Variants in MACF1 observed in about 807,000 individuals in gnomAD.
The protein encoded by MACF1 is microtubule actin crosslinking factor 1.
MACF1 carries 193 observed loss-of-function variants against 854.8 expected under a neutral mutation model. The observed-to-expected ratio is 0.23, with a 90% CI of 0.20 to 0.25. MACF1 has a LOEUF of 0.25. Ranked by LOEUF, MACF1 falls within the 10% of genes least tolerant of loss-of-function variation. The pLI is 1.00. For synonymous variants in MACF1, 3,185 were observed against 3,226.7 expected, an observed-to-expected ratio of 0.99 and a Z score of 0.44; for missense variants, 7,722 against 8,929.1, an observed-to-expected ratio of 0.86 and a Z score of 5.45.
intron 58 of MACF1, among the ~76,000 whole-genome samples, chr1:39,404,247 T>A (rs1642602701): frequency 6.6e-6 from 1 of 151,748 alleles, no homozygotes; most frequent in Admixed American, 6.6e-5. Flanking sequence ...TAAGCCCAGT[T>A]GGGAGGCTTA....
At chr1:39,397,686 G>GT (rs1161680549) in intron 58 of MACF1, among the ~76,000 whole-genome samples, 1 of 152,072 alleles carries the variant, frequency 6.6e-6, no homozygotes, top group African/African-American at 2.4e-5. Flanking sequence ...TTATAATAAA[G>GT]TGCTGACTCG....
At chr1:39,246,171 G>A (rs1447309874) in intron 2 of MACF1, among the ~76,000 whole-genome samples, 2 of 151,612 alleles carry the variant, frequency 1.3e-5, no homozygotes, top group Non-Finnish European at 1.5e-5. Flanking sequence ...TCTAATTTTG[G>A]CTGTTCCCTG....
intron 2 of MACF1, among the ~76,000 whole-genome samples, chr1:39,142,896 C>T (rs548809601): frequency 1.3e-5 from 2 of 152,328 alleles, no homozygotes; most frequent in African/African-American, 4.8e-5. Context: ...TGGGCCTCTC[C>T]AAGCCTGTTG....
chr1:39,450,367 A>G lies in MACF1; in HGVS notation c.20259-685A>G, dbSNP rs150940579. ...TGAAGAAACAGCCTAGGGTCACACA[A>G]CTGATACAGAGCTAGGAGTTGAACT... On this transcript the variant is annotated intron_variant, in intron 84 of 100. Transcript: ENST00000564288. Among the ~76,000 whole-genome samples, 618 of 151,998 alleles carry G rather than the reference A, an allele frequency of 4.1e-3. 2 individuals carry two copies. The highest frequency in any genetic ancestry group is 6.5e-3 in the Non-Finnish European group (443 of 67,976).
chr1:39,228,843 G>A (rs769644897), intron 1 of MACF1, among the ~76,000 whole-genome samples: 52 of 152,012 alleles, frequency 3.4e-4, no homozygotes, highest in Non-Finnish European at 6.9e-4. Context: ...TAGTAGAGAC[G>A]GGGTTTCACC....
intron 1 of MACF1, among the ~76,000 whole-genome samples, chr1:39,222,276 C>T (rs1008336836): frequency 7.2e-5 from 11 of 152,180 alleles, no homozygotes; most frequent in African/African-American, 2.7e-4. Flanking sequence ...AGGCGCAAGC[C>T]ACCATGCCTG....
At chr1:39,282,475 G>A in intron 7 of MACF1, 101 bp downstream of exon 7, 1 of 1,256,308 alleles carries the variant, frequency 8.0e-7, no homozygotes, top group South Asian at 1.9e-5. Context: ...AAAAATCAAA[G>A]CTTTGATTCA....
chr1:39,372,554 C>T lies in MACF1; in HGVS notation c.13171C>T (p.Leu4391Phe). Residue 4391 changes from leucine to phenylalanine, a missense_variant, in exon 52 of 101, where the codon CTC becomes TTC. By Grantham distance (22) the Leu-to-Phe change is conservative. This residue lies in a region of MACF1 where 2,807 missense variants were observed against 3,235.8 expected (regional missense o/e 0.87). Coordinates refer to ENST00000564288, the MANE Select transcript of MACF1 (RefSeq NM_001394062.1). ...INCKGTSLEN[L>F]IMEITAPDSQ... ...TTGCAAAGGTACTTCTTTAGAAAAT[C>T]TCATCATGGAAATCACAGCACCTGA... is the stretch of plus-strand genomic sequence containing the variant. 6.2e-7 allele frequency: 1 copy of T among 1,613,760 alleles called. No individual in the cohort carries two copies. Among genetic ancestry groups the T allele is most frequent in the Non-Finnish European group, 8.5e-7 (1 of 1,179,780 alleles).
At chr1:39,229,928 A>C (rs566272024) in intron 1 of MACF1, among the ~76,000 whole-genome samples, 6 of 152,100 alleles carry the variant, frequency 3.9e-5, no homozygotes, top group African/African-American at 1.4e-4. Context: ...TTTTTAGCAG[A>C]GGTGGGGTTT....
intron 2 of MACF1, among the ~76,000 whole-genome samples, chr1:39,188,195 T>C (rs906240018): frequency 6.6e-6 from 1 of 152,026 alleles, no homozygotes; most frequent in Non-Finnish European, 1.5e-5. Flanking sequence ...CCCAGCACTT[T>C]GGGAGGCCGA....
chr1:39,223,326 A>G (rs76874444), intron 1 of MACF1, among the ~76,000 whole-genome samples: 3,515 of 152,296 alleles, frequency 0.023, 84 homozygotes, highest in East Asian at 0.13. Context: ...CCCAAATGGA[A>G]GCATCAGGCT....
At chr1:39,414,260 T>G in intron 58 of MACF1, 1 of 1,614,008 alleles carries the variant, frequency 6.2e-7, no homozygotes. Context: ...ATGGAGGAAG[T>G]TTCCCCCATT....
Position 39,426,438 on chromosome 1 carries a change from C to T in MACF1, c.16317-1017C>T, listed in dbSNP as rs1310821702. ...TATACTCCCAGGCCTCTTCAAATGC[C>T]ATATCTTAGTCTGTTTTTAGTAATT... On this transcript the variant is annotated intron_variant, in intron 61 of 100. Coordinates refer to ENST00000564288, the MANE Select transcript of MACF1 (RefSeq NM_001394062.1). Among the ~76,000 whole-genome samples, 3 of 152,226 alleles carry T rather than the reference C, an allele frequency of 2.0e-5. No homozygotes were observed. In the East Asian group the frequency reaches 5.8e-4, roughly 29 times the overall value.
chr1:39,338,671 A>T (rs943826158), intron 38 of MACF1, among the ~76,000 whole-genome samples: 7 of 152,202 alleles, frequency 4.6e-5, no homozygotes, highest in Admixed American at 3.3e-4. Context: ...CATTTATTGA[A>T]GGTAAATATT....
rs1644259167 is a variant in MACF1 at position 39,447,867 on chromosome 1, C to T, written c.19937C>T (p.Ser6646Leu). Residue 6646 changes from serine to leucine, a missense_variant, in exon 82 of 101, where the codon TCA (serine) becomes TTA (leucine). Ser to Leu is a moderately radical substitution (Grantham distance 145). Transcript: ENST00000564288. ...VVQRSIERGR[S>L]LDDARKRAKQ... is the part of the protein sequence containing the mutation. The stretch of plus-strand genomic sequence containing the variant: ...CAGCGATCTATTGAAAGAGGGCGAT[C>T]ACTAGATGATGCCAGGAAGCGGGCA... The T allele has an allele frequency of 6.2e-7, 1 of 1,613,788 alleles. No individual in the cohort carries two copies. Among genetic ancestry groups the T allele is most frequent in the African/African-American group, 1.3e-5 (1 of 74,848 alleles).
At chr1:39,218,182 CAAAAAAAAAAA>C (rs36113375) in intron 1 of MACF1, among the ~76,000 whole-genome samples, 14 of 84,484 alleles carry the variant, frequency 1.7e-4, no homozygotes, top group Non-Finnish European at 2.3e-4. Flanking sequence ...GACTCCGTCT[CAAAAAAAAAAA>C]AAAAAAAAAA....
At chr1:39,225,459 A>G (rs79010552) in intron 1 of MACF1, among the ~76,000 whole-genome samples, 6 of 150,272 alleles carry the variant, frequency 4.0e-5, no homozygotes, top group African/African-American at 1.2e-4. Flanking sequence ...CTCATGATCC[A>G]CCCGCCTCGG....
At position 39,334,701 on chromosome 1, in the gene MACF1, G is replaced by A; in HGVS notation, c.8113G>A (p.Ala2705Thr). 1 of 1,614,102 alleles carries A rather than the reference G, an allele frequency of 6.2e-7. No homozygotes were observed. Among genetic ancestry groups the A allele is most frequent in the South Asian group, 1.1e-5 (1 of 91,078 alleles). ...TGCTACTGGAAAAAGACTGACATTG[G>A]CATCAGCTTTGGAAGAGAAACTGGT... is the stretch of plus-strand genomic sequence containing the variant. The part of the protein sequence containing the change: ...DTATGKRLTL[A>T]SALEEKLVDE... The change falls in exon 37 of 101, where the codon GCA becomes ACA. Residue 2705 changes from alanine (A) to threonine (T), a missense_variant. This residue lies in a region of MACF1 where 1,531 missense variants were observed against 1,601.6 expected (regional missense o/e 0.96). Coordinates refer to ENST00000564288, the MANE Select transcript of MACF1 (RefSeq NM_001394062.1).
At chr1:39,123,892 T>A (rs932176471) in intron 2 of MACF1, among the ~76,000 whole-genome samples, 1 of 151,024 alleles carries the variant, frequency 6.6e-6, no homozygotes, top group African/African-American at 2.4e-5. Context: ...GCCTGGCTAA[T>A]TTTTTTTGTA....
Sources: gnomAD v4.1 joint callset for allele counts (sites outside exome capture counted in the v4.1 genomes callset) on GRCh38, gnomAD v4.1.1 for gene constraint, gnomAD v4.1.1 regional missense constraint, MANE v1.5 for transcripts, NCBI Gene and HGNC (gene_info 2026-07-23, HGNC 2026-07-21) for gene names.